Variants in TAFA2 observed in about 807,000 individuals in gnomAD.
TAFA2 encodes the protein chemokine-like protein TAFA-2.
Under a neutral mutation model 18.8 loss-of-function variants are expected in TAFA2, and 7 were observed. The observed-to-expected ratio is 0.37, with a 90% CI of 0.21 to 0.70. The LOEUF (loss-of-function observed/expected upper bound fraction) is 0.70, where lower values mean the gene tolerates loss of function less well. Among genes scored for constraint, TAFA2 ranks in the 30% least tolerant of loss-of-function variants. The pLI, the probability that TAFA2 is intolerant of heterozygous loss-of-function variation, is 0.53. For missense variants in TAFA2, 122 were observed against 158.1 expected (o/e 0.77, Z 1.23); for synonymous variants, 60 against 54.2 (o/e 1.11, Z -0.47).
chr12:62,081,767 G>C (rs576839374), intron 1 of TAFA2, among the ~76,000 whole-genome samples: 1 of 152,208 alleles, frequency 6.6e-6, no homozygotes, highest in South Asian at 2.1e-4. Flanking sequence ...TTACAGGCAT[G>C]AGCCACCGCG....
At chr12:61,977,297 T>C (rs372371803) in intron 1 of TAFA2, among the ~76,000 whole-genome samples, 1 of 152,064 alleles carries the variant, frequency 6.6e-6, no homozygotes, top group African/African-American at 2.4e-5. Context: ...CATCTCCAAA[T>C]TTTAAAATGG....
rs34219909 is a variant in TAFA2 at position 61,986,654 on chromosome 12, TAA to T, written c.-1-119230_-1-119229del. 4.8e-4 allele frequency among the ~76,000 whole-genome samples: 70 copies of T among 145,466 alleles called. No homozygotes were observed. In the East Asian group the frequency reaches 6.6e-3, roughly 14 times the overall value. On this transcript the variant is annotated intron_variant, in intron 1 of 4. Coordinates refer to ENST00000416284, the MANE Select transcript of TAFA2 (RefSeq NM_178539.5). ...TCATTTACTGGCCATGAGACTTAGT[TAA>T]AAAAAAAAAAAAATCACTTAAACTG...
At chr12:61,778,920 A>G (rs1402503783) in intron 2 of TAFA2, among the ~76,000 whole-genome samples, 1 of 151,880 alleles carries the variant, frequency 6.6e-6, no homozygotes, top group Non-Finnish European at 1.5e-5. Context: ...CCTTGCTTAT[A>G]GAGACTAGTG....
At chr12:61,934,346 T>C (rs1249440986) in intron 1 of TAFA2, among the ~76,000 whole-genome samples, 1 of 152,062 alleles carries the variant, frequency 6.6e-6, no homozygotes, top group Non-Finnish European at 1.5e-5. Flanking sequence ...TGACCCAGGA[T>C]CACAAAATTC....
chr12:61,714,520 T>C (rs1869558658), intron 4 of TAFA2, among the ~76,000 whole-genome samples: 1 of 152,180 alleles, frequency 6.6e-6, no homozygotes, highest in Non-Finnish European at 1.5e-5. Flanking sequence ...AAAACAATTA[T>C]AGGGCCCTGA....
chr12:61,769,974 T>C (rs2120837313), intron 2 of TAFA2, among the ~76,000 whole-genome samples: 1 of 151,878 alleles, frequency 6.6e-6, no homozygotes, highest in South Asian at 2.1e-4. Context: ...AATATCAACT[T>C]TAAAAAATCA....
At chr12:62,143,483 T>G (rs1190005665) in intron 1 of TAFA2, among the ~76,000 whole-genome samples, 3 of 152,148 alleles carry the variant, frequency 2.0e-5, no homozygotes, top group Non-Finnish European at 2.9e-5. Context: ...CCAAGGACTA[T>G]CTAACTAAGA....
chr12:62,206,850 T>C (rs1290337100), intron 1 of TAFA2: 2 of 149,180 alleles, frequency 1.3e-5, no homozygotes, highest in Admixed American at 6.7e-5. Context: ...ATTTTGGTTA[T>C]TTAGGCTTTA....
intron 2 of TAFA2, among the ~76,000 whole-genome samples, chr12:61,853,407 AT>A (rs1207442489): frequency 2.0e-5 from 3 of 152,194 alleles, no homozygotes; most frequent in African/African-American, 4.8e-5. Flanking sequence ...TATAAAAAAA[AT>A]TTAAAACAGC....
intron 1 of TAFA2, among the ~76,000 whole-genome samples, chr12:61,902,081 G>A (rs1285904683): frequency 7.8e-6 from 1 of 128,374 alleles, no homozygotes; most frequent in Non-Finnish European, 1.6e-5. Context: ...TAATCATGGT[G>A]CAGGAATGTT....
intron 2 of TAFA2, among the ~76,000 whole-genome samples, chr12:61,815,399 G>A: frequency 6.6e-6 from 1 of 151,434 alleles, no homozygotes. Flanking sequence ...GGGCGTGGTG[G>A]CTCACGCCTG....
At chr12:61,731,638 T>C (rs373398488) in intron 4 of TAFA2, among the ~76,000 whole-genome samples, 63 of 152,236 alleles carry the variant, frequency 4.1e-4, no homozygotes, top group African/African-American at 1.5e-3. Flanking sequence ...CCATGTTCTT[T>C]TGTAAAACCC....
chr12:61,773,326 C>G (rs1870113025), intron 2 of TAFA2, among the ~76,000 whole-genome samples: 1 of 151,778 alleles, frequency 6.6e-6, no homozygotes, highest in Non-Finnish European at 1.5e-5. Flanking sequence ...AAATTACCAC[C>G]AGCATTCTTC....
intron 1 of TAFA2, among the ~76,000 whole-genome samples, chr12:62,239,431 A>T (rs2062851804): frequency 6.6e-6 from 1 of 152,196 alleles, no homozygotes; most frequent in East Asian, 1.9e-4. Flanking sequence ...AAAACATTAT[A>T]ATACAAATCT....
intron 1 of TAFA2, among the ~76,000 whole-genome samples, chr12:61,976,147 C>A (rs533356613): frequency 6.6e-6 from 1 of 151,930 alleles, no homozygotes; most frequent in Non-Finnish European, 1.5e-5. Context: ...TCTTTCTTCA[C>A]CAGCTAGAAA....
intron 1 of TAFA2, among the ~76,000 whole-genome samples, chr12:62,176,415 C>G (rs2062513942): frequency 6.6e-6 from 1 of 152,078 alleles, no homozygotes; most frequent in Admixed American, 6.6e-5. Flanking sequence ...ACCCTACCCC[C>G]AAGAAACCCA....
chr12:61,819,529 G>T (rs1872232247), intron 2 of TAFA2, among the ~76,000 whole-genome samples: 1 of 152,128 alleles, frequency 6.6e-6, no homozygotes, highest in Middle Eastern at 3.2e-3. Flanking sequence ...AAACAGGCTA[G>T]GATGTGAAGT....
chr12:62,212,100 T>G (rs1293021333), intron 1 of TAFA2, among the ~76,000 whole-genome samples: 1 of 152,190 alleles, frequency 6.6e-6, no homozygotes, highest in Non-Finnish European at 1.5e-5. Flanking sequence ...AGGTAATAAT[T>G]TAATTATCCT....
At chr12:62,006,798 G>T (rs1880566615) in intron 1 of TAFA2, among the ~76,000 whole-genome samples, 2 of 152,108 alleles carry the variant, frequency 1.3e-5, no homozygotes, top group African/African-American at 4.8e-5. Context: ...CAATTCATTA[G>T]TAAGCCCCCA....
Sources: gnomAD v4.1 joint callset for allele counts (sites outside exome capture counted in the v4.1 genomes callset) on GRCh38, gnomAD v4.1.1 for gene constraint, MANE v1.5 for transcripts, NCBI Gene and HGNC (gene_info 2026-07-23, HGNC 2026-07-21) for gene names.